Variants in CRK observed in about 807,000 individuals in gnomAD.
The protein encoded by CRK is adapter molecule crk.
Under a neutral mutation model 29.8 loss-of-function variants are expected in CRK, and 4 were observed. The ratio of observed to expected loss-of-function variants is 0.13; its 90% confidence interval spans 0.07 to 0.31. CRK has a LOEUF of 0.31. CRK is among the 10% of genes least tolerant of loss of function. CRK has a pLI of 1.00. For missense variants in CRK, 274 were observed against 396.5 expected (o/e 0.69, Z 2.62); for synonymous variants, 153 against 164.9 (o/e 0.93, Z 0.55).
intron 2 of CRK, among the ~76,000 whole-genome samples, 154 bp downstream of exon 2, chr17:1,436,461 AAGAAG>A (rs956662935): frequency 9.8e-5 from 15 of 152,296 alleles, no homozygotes; most frequent in Admixed American, 9.8e-4. Flanking sequence ...GTTTTCTATG[AAGAAG>A]AGAAAACCCA....
At chr17:1,428,827 C>T (rs1261179788) in intron 2 of CRK, among the ~76,000 whole-genome samples, 1 of 151,042 alleles carries the variant, frequency 6.6e-6, no homozygotes, top group Non-Finnish European at 1.5e-5. Flanking sequence ...CGGCTCAGAA[C>T]TATCTTTAAT....
At chr17:1,451,792 A>G (rs1172818327) in intron 1 of CRK, among the ~76,000 whole-genome samples, 3 of 151,972 alleles carry the variant, frequency 2.0e-5, no homozygotes, top group Admixed American at 2.0e-4. Flanking sequence ...CAGCCTGGCC[A>G]ACATGGTGAA....
intron 1 of CRK, among the ~76,000 whole-genome samples, chr17:1,438,070 A>G (rs1186758688): frequency 6.6e-6 from 1 of 151,982 alleles, no homozygotes; most frequent in Non-Finnish European, 1.5e-5. Context: ...CTGAGCTCAC[A>G]CATTTTTTCT....
At chr17:1,447,371 T>C (rs1238790894) in intron 1 of CRK, among the ~76,000 whole-genome samples, 2 of 151,744 alleles carry the variant, frequency 1.3e-5, no homozygotes, top group Non-Finnish European at 2.9e-5. Flanking sequence ...GAAATCAAAA[T>C]CAATGCAAGG....
In CRK at chr17:1,421,909, C is replaced by T. The variant is rs1487932573; in HGVS notation, c.*1604G>A. The T allele has an allele frequency of 1.3e-5, 2 of 152,122 alleles. No individual in the cohort carries two copies. The highest frequency in any genetic ancestry group is 2.1e-4 in the South Asian group (1 of 4,828). The allele number at this position is 152,122 out of a possible 1,614,324, so 9.4% of individuals were successfully genotyped here. A position where few individuals can be genotyped will look rare whatever the true frequency, so the allele number is the denominator to read the frequency against. ...AGTGCCTTTATAGACTGAGAACTAACGTGGAAGTTTCATGCTGTCGTCTAA... is the reference window on the plus strand; with the variant it reads ...AGTGCCTTTATAGACTGAGAACTAATGTGGAAGTTTCATGCTGTCGTCTAA... On this transcript the variant is annotated 3_prime_UTR_variant, in exon 3 of 3. Transcript: ENST00000300574.
At chr17:1,429,946 A>C (rs987085739) in intron 2 of CRK, among the ~76,000 whole-genome samples, 2 of 151,930 alleles carry the variant, frequency 1.3e-5, no homozygotes, top group African/African-American at 2.4e-5. Flanking sequence ...AGAGAAAAAC[A>C]ACCAAAAACA....
chr17:1,423,359 G>T lies in CRK; in HGVS notation c.*154C>A. 2.2e-6 allele frequency: 2 copies of T among 918,458 alleles called. No homozygotes were observed. Among genetic ancestry groups the T allele is most frequent in the Non-Finnish European group, 3.2e-6 (2 of 627,100 alleles). The allele number at this position is 918,458 out of a possible 1,614,324, so 56.9% of individuals were successfully genotyped here. A position where few individuals can be genotyped will look rare whatever the true frequency, so the allele number is the denominator to read the frequency against. On this transcript the variant is annotated 3_prime_UTR_variant, in exon 3 of 3. Coordinates refer to ENST00000300574, the MANE Select transcript of CRK (RefSeq NM_016823.4). The stretch of plus-strand genomic sequence containing the variant: ...CCCTGAATATGGTAATTAAGACTAG[G>T]AATGGAGCAGTTCAGTCTAAAAAAT...
chr17:1,438,597 C>G (rs746066645), intron 1 of CRK, among the ~76,000 whole-genome samples: 16 of 151,458 alleles, frequency 1.1e-4, no homozygotes, highest in Non-Finnish European at 1.6e-4. Flanking sequence ...ATGAAGCAAA[C>G]AGGTCATTAA....
intron 2 of CRK, among the ~76,000 whole-genome samples, chr17:1,430,417 C>T (rs62089612): frequency 0.51 from 76,581 of 150,120 alleles, 20,776 homozygotes; most frequent in Non-Finnish European, 0.61. Flanking sequence ...AGTGCAGTGG[C>T]GCGATCTTGG....
chr17:1,436,488 C>A, intron 2 of CRK, 132 bp downstream of exon 2: 1 of 948,034 alleles, frequency 1.1e-6, no homozygotes, highest in Non-Finnish European at 1.5e-6. Context: ...CATTCAATGC[C>A]AACATCAGTG....
intron 1 of CRK, among the ~76,000 whole-genome samples, chr17:1,438,683 A>T (rs747107004): frequency 6.6e-6 from 1 of 152,134 alleles, no homozygotes; most frequent in Non-Finnish European, 1.5e-5. Flanking sequence ...GAGAAAGAAC[A>T]TATTACAAAC....
At chr17:1,432,092 G>A (rs910783457) in intron 2 of CRK, among the ~76,000 whole-genome samples, 2 of 152,148 alleles carry the variant, frequency 1.3e-5, no homozygotes, top group Non-Finnish European at 2.9e-5. Context: ...CTGTTTTACT[G>A]TCCAGGCTGG....
chr17:1,439,237 A>G (rs2073915554), intron 1 of CRK, among the ~76,000 whole-genome samples: 1 of 152,146 alleles, frequency 6.6e-6, no homozygotes, highest in Admixed American at 6.6e-5. Context: ...CTGGGACTAC[A>G]GGCACCCGCC....
chr17:1,444,597 G>GGGC (rs1555654436), intron 1 of CRK, among the ~76,000 whole-genome samples: 6 of 110,486 alleles, frequency 5.4e-5, no homozygotes, highest in African/African-American at 3.5e-4. Flanking sequence ...AGCCGAAGCG[G>GGGC]GGGGGGGGAT....
intron 2 of CRK, among the ~76,000 whole-genome samples, chr17:1,425,631 G>A (rs2073771231): frequency 6.6e-6 from 1 of 152,318 alleles, no homozygotes; most frequent in Non-Finnish European, 1.5e-5. Context: ...TTATGCATCT[G>A]GGCTTGTACT....
At chr17:1,455,634 A>T (rs1434569055) in intron 1 of CRK, among the ~76,000 whole-genome samples, 1 of 151,578 alleles carries the variant, frequency 6.6e-6, no homozygotes, top group Non-Finnish European at 1.5e-5. Flanking sequence ...GGGCCGAAGC[A>T]GTTCCCCTTC....
Position 1,437,172 on chromosome 17 carries a change from A to T in CRK, c.242-17T>A. On this transcript the variant is annotated splice_polypyrimidine_tract_variant and intron_variant, in intron 1 of 2. Transcript: ENST00000300574. ...GGCTCACCCCTGGAAAAAACAGAGC[A>T]GGCTGTTATTTAATGATGTACTACA... 1 of 1,569,568 alleles carries T rather than the reference A, an allele frequency of 6.4e-7. No individual in the cohort carries two copies. The highest frequency in any genetic ancestry group is 8.6e-7 in the Non-Finnish European group (1 of 1,160,028).
intron 1 of CRK, among the ~76,000 whole-genome samples, chr17:1,454,331 A>G (rs1271525288): frequency 6.6e-6 from 1 of 152,206 alleles, no homozygotes; most frequent in Admixed American, 6.5e-5. Flanking sequence ...ACCTGAGGTC[A>G]GGAGTTCGAG....
rs1483436038 is a variant in CRK, at chr17:1,422,166, CCTTTTTTTTTTTTTT to C, written c.*1332_*1346del. 1.4e-5 allele frequency: 2 copies of C among 145,106 alleles called. No individual in the cohort carries two copies. The highest frequency in any genetic ancestry group is 6.9e-5 in the Admixed American group (1 of 14,502). 9.0% of individuals were successfully genotyped at this position (145,106 alleles called of 1,614,324 possible). A position where few individuals can be genotyped will look rare whatever the true frequency, so the allele number is the denominator to read the frequency against. On this transcript the variant is annotated 3_prime_UTR_variant, in exon 3 of 3. Coordinates refer to ENST00000300574, the MANE Select transcript of CRK (RefSeq NM_016823.4). ...CAACATTTTTTTTTCTTTTTTTTTT[CCTTTTTTTTTTTTTT>C]GAGACTGAGTCTTGCCCTGTCGCTC...
Sources: gnomAD v4.1 joint callset for allele counts (sites outside exome capture counted in the v4.1 genomes callset) on GRCh38, gnomAD v4.1.1 for gene constraint, MANE v1.5 for transcripts, NCBI Gene and HGNC (gene_info 2026-07-23, HGNC 2026-07-21) for gene names.